The following CSMD1 variants were observed in gnomAD, a reference collection of about 807,000 sequenced individuals.
CSMD1 encodes CUB and sushi domain-containing protein 1.
In CSMD1, 213 loss-of-function variants were observed where a neutral mutation model predicts 417.5. That is an observed-to-expected ratio of 0.51 (90% CI 0.46 to 0.57). The LOEUF (loss-of-function observed/expected upper bound fraction) is 0.57. CSMD1 is among the 20% of genes least tolerant of loss of function. CSMD1 has a pLI of 0.00. For synonymous variants in CSMD1, 2,862 were observed against 1,736.8 expected (o/e 1.65, Z -16.11); for missense variants, 6,923 against 4,529.7 (o/e 1.53, Z -15.17).
At chr8:3,705,749 G>A (rs976005706) in intron 7 of CSMD1, among the ~76,000 whole-genome samples, 2 of 152,166 alleles carry the variant, frequency 1.3e-5, no homozygotes. Context: ...TTGTGTGCTT[G>A]GATCTAATCT....
At chr8:4,029,725 T>A (rs1169082249) in intron 4 of CSMD1, among the ~76,000 whole-genome samples, 1 of 152,160 alleles carries the variant, frequency 6.6e-6, no homozygotes, top group Non-Finnish European at 1.5e-5. Context: ...CCCCAAAGTC[T>A]TAACTTATTT....
chr8:4,481,033 C>T (rs1156463735), intron 2 of CSMD1, among the ~76,000 whole-genome samples: 1 of 152,202 alleles, frequency 6.6e-6, no homozygotes, highest in Non-Finnish European at 1.5e-5. Context: ...CTATTTCTCT[C>T]CCAACCCAAG....
At chr8:4,212,000 A>T (rs1800340109) in intron 3 of CSMD1, among the ~76,000 whole-genome samples, 1 of 152,158 alleles carries the variant, frequency 6.6e-6, no homozygotes, top group South Asian at 2.1e-4. Context: ...ATAAAATAGC[A>T]GTTGAAACTT....
At chr8:3,131,859 A>G (rs1236395637) in intron 41 of CSMD1, among the ~76,000 whole-genome samples, 23 of 152,208 alleles carry the variant, frequency 1.5e-4, no homozygotes, top group Admixed American at 1.5e-3. Flanking sequence ...AAAATACATA[A>G]TATTGTTATG....
intron 11 of CSMD1, among the ~76,000 whole-genome samples, chr8:3,481,683 G>A (rs1817757722): frequency 6.6e-6 from 1 of 152,144 alleles, no homozygotes; most frequent in African/African-American, 2.4e-5. Context: ...AGAGGCAGAG[G>A]GAGATTTCAG....
intron 2 of CSMD1, among the ~76,000 whole-genome samples, chr8:4,509,809 A>C (rs1454313147): frequency 1.3e-5 from 2 of 152,306 alleles, no homozygotes; most frequent in Non-Finnish European, 2.9e-5. Context: ...ACAGATATGG[A>C]AACTGAAGCA....
At chr8:4,638,442 A>G (rs1802979126) in intron 1 of CSMD1, among the ~76,000 whole-genome samples, 1 of 152,212 alleles carries the variant, frequency 6.6e-6, no homozygotes, top group South Asian at 2.1e-4. Flanking sequence ...TTGAAAATAA[A>G]AGACATAAAA....
intron 7 of CSMD1, among the ~76,000 whole-genome samples, chr8:3,652,573 G>A (rs554454609): frequency 1.3e-5 from 2 of 152,322 alleles, no homozygotes; most frequent in African/African-American, 4.8e-5. Flanking sequence ...CAAAGGAGAA[G>A]CAAAGGCATG....
At chr8:4,469,724 T>C (rs1347613599) in intron 2 of CSMD1, among the ~76,000 whole-genome samples, 1 of 152,050 alleles carries the variant, frequency 6.6e-6, no homozygotes, top group African/African-American at 2.4e-5. Flanking sequence ...CCCTTGTCCC[T>C]CTACATCTCT....
chr8:4,771,324 G>A (rs943827665), intron 1 of CSMD1, among the ~76,000 whole-genome samples: 3 of 152,272 alleles, frequency 2.0e-5, no homozygotes, highest in Non-Finnish European at 4.4e-5. Context: ...TCTCCCAGCT[G>A]ACAATAAATA....
chr8:3,050,816 A>C (rs1038902998), intron 50 of CSMD1, among the ~76,000 whole-genome samples: 1 of 152,214 alleles, frequency 6.6e-6, no homozygotes, highest in Non-Finnish European at 1.5e-5. Flanking sequence ...AGTTAGTTTA[A>C]AATTTTTAAC....
At chr8:4,902,227 T>C (rs1227489031) in intron 1 of CSMD1, among the ~76,000 whole-genome samples, 2 of 151,592 alleles carry the variant, frequency 1.3e-5, no homozygotes. Flanking sequence ...CTGGGCAACT[T>C]AGCAAGACTC....
At chr8:4,149,037 C>A (rs1294249171) in intron 3 of CSMD1, among the ~76,000 whole-genome samples, 1 of 151,040 alleles carries the variant, frequency 6.6e-6, no homozygotes, top group African/African-American at 2.4e-5. Flanking sequence ...AATCTTTGCT[C>A]ACTGCAACCT....
intron 2 of CSMD1, among the ~76,000 whole-genome samples, chr8:4,623,698 T>C (rs1004472069): frequency 1.4e-4 from 21 of 152,250 alleles, no homozygotes; most frequent in African/African-American, 4.8e-4. Context: ...CTCAAAATCA[T>C]TATTCTGAGT....
chr8:4,489,884 A>G (rs1801614041), intron 2 of CSMD1, among the ~76,000 whole-genome samples: 1 of 152,232 alleles, frequency 6.6e-6, no homozygotes, highest in Non-Finnish European at 1.5e-5. Flanking sequence ...TGCCCAGACT[A>G]CGACCCACAG....
intron 25 of CSMD1, among the ~76,000 whole-genome samples, chr8:3,289,660 T>G (rs1584937512): frequency 1.4e-5 from 2 of 142,166 alleles, no homozygotes; most frequent in East Asian, 3.9e-4. Flanking sequence ...TTTGCCCACT[T>G]TTTGATGGGG....
chr8:4,918,335 CT>C (rs1044531213), intron 1 of CSMD1, among the ~76,000 whole-genome samples: 14 of 152,168 alleles, frequency 9.2e-5, no homozygotes, highest in African/African-American at 2.9e-4. Flanking sequence ...CCTTCTCTCT[CT>C]TTTCTTTTTG....
At chr8:4,450,618 A>G (rs1402829206) in intron 2 of CSMD1, among the ~76,000 whole-genome samples, 8 of 152,118 alleles carry the variant, frequency 5.3e-5, no homozygotes, top group Non-Finnish European at 8.8e-5. Flanking sequence ...TAACAGAGTG[A>G]CACTCAGTCT....
chr8:3,252,322 C>A (rs947676962), intron 26 of CSMD1, among the ~76,000 whole-genome samples: 2 of 152,064 alleles, frequency 1.3e-5, no homozygotes, highest in Non-Finnish European at 2.9e-5. Flanking sequence ...GGGATTATCA[C>A]GTGGTTTTTG....
Sources: gnomAD v4.1 joint callset for allele counts (sites outside exome capture counted in the v4.1 genomes callset) on GRCh38, gnomAD v4.1.1 for gene constraint, MANE v1.5 for transcripts, NCBI Gene and HGNC (gene_info 2026-07-23, HGNC 2026-07-21) for gene names.